TNKS: variants seen among roughly 807,000 people sequenced by gnomAD.
TNKS encodes the protein tankyrase, also known as poly [ADP-ribose] polymerase tankyrase-1.
In TNKS, 72 loss-of-function variants were observed where a neutral mutation model predicts 135.8. That is an observed-to-expected ratio of 0.53 (90% CI 0.44 to 0.64). The LOEUF is 0.64. TNKS is among the 30% of genes least tolerant of loss of function. The pLI, the probability that TNKS is intolerant of heterozygous loss-of-function variation, is 0.00. For synonymous variants in TNKS, 849 were observed against 649.3 expected (o/e 1.31, Z -4.68); for missense variants, 1,769 against 1,674.0 (o/e 1.06, Z -0.99).
intron 20 of TNKS, among the ~76,000 whole-genome samples, chr8:9,760,789 C>T (rs1334557923): frequency 6.6e-6 from 1 of 151,970 alleles, no homozygotes. Flanking sequence ...GATGAATAAC[C>T]AAAAGTTAAA....
In TNKS at chr8:9,781,831, G is replaced by C. The variant is rs1009613682; in HGVS notation, c.*5095G>C. ...CGTGTTGTTTTTATTTTTAGTCTCT[G>C]TGTGACCCAACAGTGGCAGGGGTTA... On this transcript the variant is annotated 3_prime_UTR_variant, in exon 27 of 27. Coordinates refer to ENST00000310430, the MANE Select transcript of TNKS (RefSeq NM_003747.3). 6.6e-6 allele frequency: 1 copy of C among 152,588 alleles called. No homozygotes were observed. Among genetic ancestry groups the C allele is most frequent in the African/African-American group, 2.4e-5 (1 of 41,442 alleles). 9.5% of individuals were successfully genotyped at this position (152,588 alleles called of 1,614,324 possible).
At chr8:9,591,630 T>C (rs1798593669) in intron 2 of TNKS, among the ~76,000 whole-genome samples, 1 of 152,232 alleles carries the variant, frequency 6.6e-6, no homozygotes, top group African/African-American at 2.4e-5. Flanking sequence ...TACTGATTTT[T>C]GAGAATTCTT....
Position 9,770,336 on chromosome 8 carries a change from G to C in TNKS, c.3897+74G>C, listed in dbSNP as rs564178323. 88 of 1,453,672 alleles carry C rather than the reference G, an allele frequency of 6.1e-5. No individual in the cohort carries two copies. In the South Asian group the frequency reaches 1.0e-3, roughly 17 times the overall value. The allele number at this position is 1,453,672 out of a possible 1,614,324, so 90.0% of individuals were successfully genotyped here. ...AGAGCACAGAGACCGTGTAAGACTTGAGACACTTTTCAGTGAAATATCCAC... is the reference window on the plus strand; with the variant it reads ...AGAGCACAGAGACCGTGTAAGACTTCAGACACTTTTCAGTGAAATATCCAC... On this transcript the variant is annotated intron_variant, in intron 26 of 26. Coordinates refer to ENST00000310430, the MANE Select transcript of TNKS (RefSeq NM_003747.3).
At chr8:9,733,676 G>C (rs184078258) in intron 15 of TNKS, among the ~76,000 whole-genome samples, 6 of 152,140 alleles carry the variant, frequency 3.9e-5, no homozygotes, top group African/African-American at 1.4e-4. Flanking sequence ...CATCAAAGTA[G>C]GTTTTAGAAA....
intron 25 of TNKS, 123 bp from the exon 26 acceptor site, chr8:9,769,983 T>G: frequency 2.3e-6 from 2 of 851,526 alleles, no homozygotes; most frequent in Non-Finnish European, 3.5e-6. Flanking sequence ...CTCATAAATC[T>G]GAAAATGACA....
At chr8:9,693,838 A>C (rs2128802759) in intron 5 of TNKS, among the ~76,000 whole-genome samples, 1 of 152,310 alleles carries the variant, frequency 6.6e-6, no homozygotes, top group South Asian at 2.1e-4. Context: ...CAATTTTCTC[A>C]TTCTGGACAG....
chr8:9,626,921 G>C (rs1482693437), intron 3 of TNKS, among the ~76,000 whole-genome samples: 1 of 152,176 alleles, frequency 6.6e-6, no homozygotes, highest in East Asian at 1.9e-4. Flanking sequence ...ATGTCTTTTT[G>C]TATGCTAATG....
At chr8:9,723,944 C>T (rs1805033593) in intron 12 of TNKS, among the ~76,000 whole-genome samples, 10 of 152,190 alleles carry the variant, frequency 6.6e-5, no homozygotes, top group Admixed American at 6.5e-4. Flanking sequence ...ATTGAAACCC[C>T]ATTTACAGTG....
chr8:9,688,981 C>T (rs1221223682), intron 5 of TNKS, among the ~76,000 whole-genome samples: 1 of 152,150 alleles, frequency 6.6e-6, no homozygotes, highest in Non-Finnish European at 1.5e-5. Context: ...GGGCACTAAT[C>T]TTATCATGAG....
chr8:9,640,587 C>G (rs1233481349), intron 3 of TNKS, among the ~76,000 whole-genome samples: 1 of 145,732 alleles, frequency 6.9e-6, no homozygotes, highest in South Asian at 2.2e-4. Context: ...GTTATATGCA[C>G]GGTAATGATT....
At chr8:9,715,924 A>C (rs4129361) in intron 11 of TNKS, among the ~76,000 whole-genome samples, 1,656 of 152,282 alleles carry the variant, frequency 0.011, 24 homozygotes, top group African/African-American at 0.039. Context: ...CTGCCCTGGC[A>C]TTCTGCATTC....
At chr8:9,751,462 G>C (rs1806526703) in intron 18 of TNKS, 147 bp from the exon 19 acceptor site, 1 of 615,878 alleles carries the variant, frequency 1.6e-6, no homozygotes, top group South Asian at 2.2e-5. Flanking sequence ...TGGAGCTGTG[G>C]ATAGGAGAAG....
chr8:9,715,545 C>G (rs542978229), intron 11 of TNKS, among the ~76,000 whole-genome samples: 1 of 152,092 alleles, frequency 6.6e-6, no homozygotes, highest in African/African-American at 2.4e-5. Context: ...TACCCCCCAT[C>G]TCCTCCCAGT....
At chr8:9,769,161 A>G (rs575581291) in intron 25 of TNKS, among the ~76,000 whole-genome samples, 19 of 152,360 alleles carry the variant, frequency 1.2e-4, no homozygotes, top group South Asian at 8.3e-4. Context: ...CTGCCCTTGT[A>G]GCGCAAAAGC....
chr8:9,607,728 C>T (rs769842085), intron 2 of TNKS, among the ~76,000 whole-genome samples: 1 of 152,086 alleles, frequency 6.6e-6, no homozygotes. Flanking sequence ...GCAGAAAAGT[C>T]TATGAATTTG....
At chr8:9,771,976 A>C (rs1471635116) in intron 26 of TNKS, among the ~76,000 whole-genome samples, 1 of 31,126 alleles carries the variant, frequency 3.2e-5, no homozygotes, top group African/African-American at 1.2e-4. Context: ...GAGAGGGAGA[A>C]AGAGGTGGGA....
At chr8:9,644,923 T>C (rs960438922) in intron 3 of TNKS, among the ~76,000 whole-genome samples, 14 of 152,136 alleles carry the variant, frequency 9.2e-5, no homozygotes, top group African/African-American at 3.4e-4. Context: ...AGGCTTTGTG[T>C]GAGATGATTT....
chr8:9,655,624 G>A (rs2128783726), intron 3 of TNKS, among the ~76,000 whole-genome samples: 2 of 152,296 alleles, frequency 1.3e-5, no homozygotes, highest in South Asian at 4.1e-4. Context: ...CTGATACCCA[G>A]ACAAACAGGG....
chr8:9,568,979 T>C lies in TNKS; in HGVS notation c.674-11180T>C, dbSNP rs902460130. On this transcript the variant is annotated intron_variant, in intron 1 of 26. Transcript: ENST00000310430. Reference sequence around the variant, plus strand: ...TTGAGCATTTAGAAAATATTGGTTCTTGAAGCTGTGCAGATATTCCAAATG... The same window carrying C: ...TTGAGCATTTAGAAAATATTGGTTCCTGAAGCTGTGCAGATATTCCAAATG... 2.0e-5 allele frequency among the ~76,000 whole-genome samples: 3 copies of C among 152,368 alleles called. No individual in the cohort carries two copies. In the East Asian group the frequency reaches 5.8e-4, roughly 29 times the overall value.
Sources: gnomAD v4.1 joint callset for allele counts (sites outside exome capture counted in the v4.1 genomes callset) on GRCh38, gnomAD v4.1.1 for gene constraint, MANE v1.5 for transcripts, NCBI Gene and HGNC (gene_info 2026-07-23, HGNC 2026-07-21) for gene names.